The following RBFOX1 variants were observed in gnomAD, a reference collection of about 807,000 sequenced individuals.
The protein encoded by RBFOX1 is RNA binding fox-1 homolog 1, also known as RNA binding protein fox-1 homolog 1.
RBFOX1 carries 8 observed loss-of-function variants against 57.7 expected under a neutral mutation model. The observed-to-expected ratio is 0.14, with a 90% confidence interval of 0.08 to 0.25. The LOEUF (loss-of-function observed/expected upper bound fraction) is 0.25, where lower values mean the gene tolerates loss of function less well. RBFOX1 is among the 10% of genes least tolerant of loss of function. RBFOX1 has a pLI of 1.00. For synonymous variants in RBFOX1, 326 were observed against 222.4 expected (o/e 1.47, Z -4.15); for missense variants, 611 against 548.5 (o/e 1.11, Z -1.14).
intron 3 of RBFOX1, among the ~76,000 whole-genome samples, chr16:6,780,670 G>C (rs1336295155): frequency 1.4e-5 from 2 of 147,664 alleles, no homozygotes; most frequent in Admixed American, 1.4e-4. Flanking sequence ...TATATTGCCT[G>C]TTTTTTCAGA....
chr16:7,467,429 A>G (rs1441494212), intron 4 of RBFOX1, among the ~76,000 whole-genome samples: 2 of 152,148 alleles, frequency 1.3e-5, no homozygotes, highest in Non-Finnish European at 2.9e-5. Flanking sequence ...GGACATTGGG[A>G]TGTAACAACC....
intron 1 of RBFOX1, among the ~76,000 whole-genome samples, chr16:6,155,248 C>T (rs1014184385): frequency 2.6e-5 from 4 of 152,146 alleles, no homozygotes; most frequent in African/African-American, 2.4e-5. Flanking sequence ...AGGAGACAAG[C>T]CCTAGGAGAC....
intron 4 of RBFOX1, among the ~76,000 whole-genome samples, chr16:5,966,965 A>G (rs1253962389): frequency 8.9e-6 from 1 of 112,342 alleles, no homozygotes; most frequent in Non-Finnish European, 1.6e-5. Flanking sequence ...GAAATGACCT[A>G]CTTAATTGTC....
At chr16:6,582,413 A>G (rs1384002883) in intron 2 of RBFOX1, among the ~76,000 whole-genome samples, 1 of 152,020 alleles carries the variant, frequency 6.6e-6, no homozygotes, top group East Asian at 1.9e-4. Flanking sequence ...GAGAAATATA[A>G]TTAAGCAGTT....
intron 4 of RBFOX1, among the ~76,000 whole-genome samples, chr16:7,068,059 G>A (rs2056522497): frequency 6.8e-6 from 1 of 147,880 alleles, no homozygotes; most frequent in Non-Finnish European, 1.5e-5. Context: ...CTCTTCTTCT[G>A]TTGTATCTGT....
chr16:5,720,863 G>A (rs1201690016), intron 3 of RBFOX1, among the ~76,000 whole-genome samples: 1 of 152,164 alleles, frequency 6.6e-6, no homozygotes, highest in Non-Finnish European at 1.5e-5. Context: ...ATTGGGAAGT[G>A]TGAGTCTCCA....
intron 3 of RBFOX1, among the ~76,000 whole-genome samples, chr16:5,823,925 C>A (rs1454336554): frequency 6.6e-6 from 1 of 152,184 alleles, no homozygotes; most frequent in African/African-American, 2.4e-5. Flanking sequence ...TTGAATCCCA[C>A]ATCTCCCTGG....
intron 4 of RBFOX1, among the ~76,000 whole-genome samples, chr16:7,073,404 A>T (rs1450049864): frequency 6.6e-6 from 1 of 152,192 alleles, no homozygotes; most frequent in Admixed American, 6.5e-5. Flanking sequence ...TTACAGGGTC[A>T]AGAGCATGCA....
intron 3 of RBFOX1, among the ~76,000 whole-genome samples, chr16:6,770,478 C>G (rs1265694700): frequency 6.6e-6 from 1 of 152,190 alleles, no homozygotes; most frequent in African/African-American, 2.4e-5. Flanking sequence ...TTTTGGGTAC[C>G]ACGGCAGAGC....
intron 3 of RBFOX1, among the ~76,000 whole-genome samples, chr16:6,920,681 G>A (rs557301324): frequency 6.6e-6 from 1 of 152,208 alleles, no homozygotes; most frequent in Admixed American, 6.5e-5. Flanking sequence ...GTTTCTTTTG[G>A]TTCCAAGCAA....
intron 5 of RBFOX1, among the ~76,000 whole-genome samples, chr16:7,538,447 G>A (rs547940525): frequency 4.2e-4 from 64 of 152,138 alleles, no homozygotes; most frequent in African/African-American, 1.5e-3. Flanking sequence ...TACTATTATA[G>A]TGTTGCTGTT....
intron 3 of RBFOX1, among the ~76,000 whole-genome samples, chr16:6,801,994 A>G (rs1428476386): frequency 6.6e-6 from 1 of 151,964 alleles, no homozygotes; most frequent in Non-Finnish European, 1.5e-5. Context: ...GTCTCGTGCT[A>G]ATCATGGAGG....
At chr16:6,369,498 T>C (rs1366715732) in intron 2 of RBFOX1, among the ~76,000 whole-genome samples, 4 of 152,200 alleles carry the variant, frequency 2.6e-5, no homozygotes, top group Non-Finnish European at 4.4e-5. Context: ...TGGTTAATTT[T>C]GGTGAAAGTT....
chr16:6,560,545 G>A (rs572167592), intron 2 of RBFOX1, among the ~76,000 whole-genome samples: 20 of 152,254 alleles, frequency 1.3e-4, no homozygotes, highest in South Asian at 1.0e-3. Flanking sequence ...GGAGTGGAGC[G>A]GAAAATAGCA....
At chr16:7,567,365 C>CTA (rs56020672) in intron 5 of RBFOX1, among the ~76,000 whole-genome samples, 44,718 of 98,210 alleles carry the variant, frequency 0.46, 12,092 homozygotes, top group African/African-American at 0.51. Flanking sequence ...ATATATGGCC[C>CTA]TATATATATA....
chr16:5,380,526 C>G (rs1278329720), intron 1 of RBFOX1, among the ~76,000 whole-genome samples: 4 of 152,200 alleles, frequency 2.6e-5, no homozygotes, highest in Non-Finnish European at 5.9e-5. Flanking sequence ...GTCTCCAAGT[C>G]TTCATGCCAA....
At position 7,305,141 on chromosome 16, in the gene RBFOX1, G is replaced by GTTTTTT. The variant is rs1305843885; in HGVS notation, c.28-213002_28-212997dup. Among the ~76,000 whole-genome samples, 716 of 151,136 alleles carry GTTTTTT rather than the reference G, an allele frequency of 4.7e-3. 5 individuals are homozygous for GTTTTTT. The highest frequency in any genetic ancestry group is 0.016 in the African/African-American group (672 of 41,130). ...TGTTTGTGTGTGTGTGCGTGTGTGGGTTTTTTTTTCCCTTTCACTTCTCCT... is the reference window on the plus strand; with the variant it reads ...TGTTTGTGTGTGTGTGCGTGTGTGGGTTTTTTTTTTTTTTTCCCTTTCACTTCTCCT... On this transcript the variant is annotated intron_variant, in intron 4 of 15. Transcript: ENST00000550418.
At chr16:6,100,864 C>T (rs1277065436) in intron 1 of RBFOX1, among the ~76,000 whole-genome samples, 1 of 152,118 alleles carries the variant, frequency 6.6e-6, no homozygotes, top group Non-Finnish European at 1.5e-5. Flanking sequence ...AGGAATGTTC[C>T]TTAAGTGTTC....
chr16:5,308,011 G>A (rs949305999), intron 1 of RBFOX1, among the ~76,000 whole-genome samples: 3 of 152,058 alleles, frequency 2.0e-5, no homozygotes, highest in African/African-American at 7.2e-5. Flanking sequence ...TCATGCTTGT[G>A]GTTAAAAAAT....
Sources: allele counts gnomAD v4.1 joint callset (sites outside exome capture counted in the v4.1 genomes callset), GRCh38; gene constraint gnomAD v4.1.1; transcripts MANE v1.5; gene names NCBI Gene and HGNC (gene_info 2026-07-23, HGNC 2026-07-21).